The following DOCK6 variants were observed in gnomAD, a reference collection of about 807,000 sequenced individuals.
DOCK6 encodes the protein dedicator of cytokinesis protein 6.
A neutral mutation model predicts 230.3 loss-of-function variants in DOCK6; 167 were observed. The ratio of observed to expected loss-of-function variants is 0.73; its 90% CI spans 0.64 to 0.82. The LOEUF is 0.82. Among genes scored for constraint, DOCK6 ranks in the 40% least tolerant of loss-of-function variants. DOCK6 has a pLI of 0.00. For missense variants in DOCK6, 2,598 were observed against 2,825.8 expected, an observed-to-expected ratio of 0.92 and a Z score of 1.83; for synonymous variants, 1,148 against 1,185.0, an observed-to-expected ratio of 0.97 and a Z score of 0.64.
At position 11,200,864 on chromosome 19, in the gene DOCK6, C is replaced by T. The variant is rs1241467335; in HGVS notation, c.5833-42G>A. ...ACTGGTGAGCCAGCCTGCATGGCACCTGGAGTCCCCCGTGCGGCTTGCATC... is the reference window on the plus strand; with the variant it reads ...ACTGGTGAGCCAGCCTGCATGGCACTTGGAGTCCCCCGTGCGGCTTGCATC... On this transcript the variant is annotated intron_variant, in intron 45 of 47. Coordinates refer to ENST00000294618, the MANE Select transcript of DOCK6 (RefSeq NM_020812.4). The surrounding 1 kb of genome is among the most constrained non-coding windows in gnomAD (Gnocchi z 4.3). 8.7e-6 allele frequency: 14 copies of T among 1,613,420 alleles called. No individual in the cohort carries two copies. The highest frequency in any genetic ancestry group is 1.2e-5 in the Non-Finnish European group (14 of 1,179,586).
rs777212600 is a variant in DOCK6 at position 11,252,823 on chromosome 19, G to C, written c.268C>G (p.Arg90Gly). Residue 90 changes from arginine to glycine, a missense_variant, in exon 3 of 48, where the codon CGG becomes GGG. Coordinates refer to ENST00000294618, the MANE Select transcript of DOCK6 (RefSeq NM_020812.4). ...CCGGGCTCCGTGGTCCGGCATTCCC[G>C]GGGCTGCAGCAGCAGCTCCAAGTCA... The part of the protein sequence containing the change: ...ADDLELLLQP[R>G]ECRTTEPGIP... 1.9e-6 allele frequency: 3 copies of C among 1,613,366 alleles called. No individual in the cohort carries two copies. Among genetic ancestry groups the C allele is most frequent in the Non-Finnish European group, 1.7e-6 (2 of 1,179,624 alleles).
At chr19:11,209,733 C>T (rs2079334575) in intron 37 of DOCK6, among the ~76,000 whole-genome samples, 1 of 90,566 alleles carries the variant, frequency 1.1e-5, no homozygotes, top group African/African-American at 3.6e-5. Flanking sequence ...TCTATCCCCT[C>T]ACCTGTCCAC....
chr19:11,229,274 G>A (rs548374782), intron 22 of DOCK6: 63 of 1,303,292 alleles, frequency 4.8e-5, no homozygotes, highest in Admixed American at 2.0e-4. Flanking sequence ...CAAAAATAGC[G>A]TCATCCGCAC....
chr19:11,260,029 A>G (rs1178194983), intron 1 of DOCK6, among the ~76,000 whole-genome samples: 1 of 151,780 alleles, frequency 6.6e-6, no homozygotes, highest in Non-Finnish European at 1.5e-5. Flanking sequence ...AAGATTGTCT[A>G]ATATTCGGGT....
chr19:11,243,286 G>A lies in DOCK6; in HGVS notation c.1358C>T (p.Thr453Met), dbSNP rs752970838. The A allele has an allele frequency of 4.7e-5, 76 of 1,607,264 alleles. No homozygotes were observed. Among genetic ancestry groups the A allele is most frequent in the Admixed American group, 4.1e-4 (24 of 58,676 alleles). Residue 453 changes from threonine (T) to methionine (M), a missense_variant, in exon 12 of 48, where the codon ACG becomes ATG. Coordinates refer to ENST00000294618, the MANE Select transcript of DOCK6 (RefSeq NM_020812.4). The surrounding 1 kb of genome is among the most constrained non-coding windows in gnomAD (Gnocchi z 6.3). ...ACSFSGFRPA[T>M]LTVTNFFKQE... ...CTTAAAGAAGTTTGTGACAGTTAGC[G>A]TGGCTGGACGGAAGCCAGAGAAGCT...
intron 14 of DOCK6, among the ~76,000 whole-genome samples, chr19:11,239,467 C>T (rs531391211): frequency 4.5e-4 from 69 of 152,342 alleles, no homozygotes; most frequent in East Asian, 1.5e-3. Context: ...AGCGTGATCC[C>T]GGCGTGGCCT....
At position 11,210,557 on chromosome 19, in the gene DOCK6, CCCCCTCACCTGTGCAT is replaced by C. The variant is rs1265544229; in HGVS notation, c.4751+1203_4751+1218del. Among the ~76,000 whole-genome samples, 5 of 139,404 alleles carry C rather than the reference CCCCCTCACCTGTGCAT, an allele frequency of 3.6e-5. No individual in the cohort carries two copies. The East Asian group carries it at 1.2e-3, about 33-fold the overall frequency. The allele number at this position is 139,404 out of a possible 152,430, so 91.5% of individuals were successfully genotyped here. Reference sequence around the variant, plus strand: ...ACCTGCCCATCCCCTTACCTGTCCACCCCCTCACCTGTGCATCCCCTCACCTGTCCATCCCTTCACC... The same window carrying C: ...ACCTGCCCATCCCCTTACCTGTCCACCCCCTCACCTGTCCATCCCTTCACC... On this transcript the variant is annotated intron_variant, in intron 37 of 47. Transcript: ENST00000294618.
At chr19:11,232,092 G>GC (rs2079773658) in intron 22 of DOCK6, 2 of 945,250 alleles carry the variant, frequency 2.1e-6, no homozygotes, top group South Asian at 3.1e-5. Context: ...CCTTCAGGCA[G>GC]CCCCCCTAGG....
chr19:11,215,702 C>T (rs760164315), intron 31 of DOCK6, 99 bp downstream of exon 31: 408 of 1,580,724 alleles, frequency 2.6e-4, no homozygotes, highest in Non-Finnish European at 2.4e-4. Context: ...AAAAGTGAGG[C>T]AGAAAGTAAG....
Position 11,204,344 on chromosome 19 carries a change from T to TG in DOCK6, c.5089-14dup, listed in dbSNP as rs753326881. ...CGTAGAGCCCGCCCTGAGGGTGAGG[T>TG]GGGGTCAGGATTCCCCAAACTGTCT... On this transcript the variant is annotated splice_polypyrimidine_tract_variant and intron_variant, in intron 39 of 47. Transcript: ENST00000294618. 1.9e-6 allele frequency: 3 copies of TG among 1,609,672 alleles called. No individual in the cohort carries two copies. In the South Asian group the frequency reaches 3.3e-5, roughly 18 times the overall value.
intron 22 of DOCK6, among the ~76,000 whole-genome samples, chr19:11,232,730 G>A (rs143320409): frequency 6.5e-4 from 89 of 136,072 alleles, no homozygotes; most frequent in African/African-American, 2.6e-3. Flanking sequence ...ACACGTATAC[G>A]TGCCCATGTA....
At chr19:11,216,658 C>T (rs993236304) in intron 30 of DOCK6, 15 of 453,434 alleles carry the variant, frequency 3.3e-5, no homozygotes, top group Admixed American at 1.9e-4. Context: ...ATCCACCTGC[C>T]TCGGCCTCCC....
chr19:11,232,249 G>C, intron 22 of DOCK6: 3 of 1,289,722 alleles, frequency 2.3e-6, no homozygotes, highest in Non-Finnish European at 2.0e-6. Flanking sequence ...GCCTCCTGGA[G>C]CATAAGCGGA....
Position 11,214,220 on chromosome 19 carries a change from C to T in DOCK6, c.4338+55G>A, listed in dbSNP as rs550778987. 22 of 1,531,414 alleles carry T rather than the reference C, an allele frequency of 1.4e-5. No homozygotes were observed. In the African/African-American group the frequency reaches 2.6e-4, roughly 18 times the overall value. The allele number at this position is 1,531,414 out of a possible 1,614,324, so 94.9% of individuals were successfully genotyped here. ...GATTAGAGGCATGAGCCACTGTGCT[C>T]AGCCTAGAGCTGCTACTGTTTTTCT... On this transcript the variant is annotated intron_variant, in intron 34 of 47. Coordinates refer to ENST00000294618, the MANE Select transcript of DOCK6 (RefSeq NM_020812.4).
At chr19:11,238,414 G>A in intron 14 of DOCK6, 110 bp from the exon 15 acceptor site, 1 of 1,016,208 alleles carries the variant, frequency 9.8e-7, no homozygotes, top group Non-Finnish European at 1.5e-6. Context: ...TCCAGGAAGA[G>A]TAGGTCATGA....
intron 24 of DOCK6, among the ~76,000 whole-genome samples, chr19:11,226,430 G>A (rs909584296): frequency 2.6e-5 from 4 of 152,330 alleles, no homozygotes; most frequent in South Asian, 2.1e-4. Flanking sequence ...AGGGCAAGGC[G>A]GGCAGATCAC....
chr19:11,251,930 C>T, intron 5 of DOCK6, 189 bp downstream of exon 5: 1 of 784,066 alleles, frequency 1.3e-6, no homozygotes, highest in Non-Finnish European at 2.0e-6. Flanking sequence ...ACATATGAAG[C>T]CTTCAGTACA....
chr19:11,210,235 CCTCA>C (rs1012311581), intron 37 of DOCK6, among the ~76,000 whole-genome samples: 1 of 149,840 alleles, frequency 6.7e-6, no homozygotes, highest in Admixed American at 6.6e-5. Flanking sequence ...CTGTCCATCC[CCTCA>C]CTGTCTCTTC....
chr19:11,220,822 A>T (rs1371489999), intron 28 of DOCK6, among the ~76,000 whole-genome samples: 8 of 139,798 alleles, frequency 5.7e-5, no homozygotes, highest in East Asian at 2.0e-4. Flanking sequence ...TAATATCTGA[A>T]TTTTTTTTTT....
Sources: gnomAD v4.1 joint callset for allele counts (sites outside exome capture counted in the v4.1 genomes callset) on GRCh38, gnomAD v4.1.1 for gene constraint, Gnocchi (gnomAD v3.1) non-coding constraint, MANE v1.5 for transcripts, NCBI Gene and HGNC (gene_info 2026-07-23, HGNC 2026-07-21) for gene names.